LMO7: variants seen among roughly 807,000 people sequenced by gnomAD.
LMO7 encodes the protein LIM domain only protein 7.
A neutral mutation model predicts 206.5 loss-of-function variants in LMO7; 120 were observed. The observed-to-expected ratio is 0.58, with a 90% CI of 0.50 to 0.68. The LOEUF is 0.68. LMO7 is among the 30% of genes least tolerant of loss of function. The probability of loss-of-function intolerance (pLI) is 0.00; values close to 1 mark genes in which losing one functional copy is unlikely to be tolerated. For synonymous variants in LMO7, 706 were observed against 681.5 expected (o/e 1.04, Z -0.56); for missense variants, 1,959 against 1,957.9 (o/e 1.00, Z -0.01).
At chr13:75,734,513 A>G (rs1295442175) in intron 3 of LMO7, among the ~76,000 whole-genome samples, 1 of 152,202 alleles carries the variant, frequency 6.6e-6, no homozygotes, top group Non-Finnish European at 1.5e-5. Flanking sequence ...ATGTGTTTAC[A>G]GATGTTAAAG....
At chr13:75,650,956 GA>G (rs1372010822) in intron 1 of LMO7, among the ~76,000 whole-genome samples, 2 of 152,154 alleles carry the variant, frequency 1.3e-5, no homozygotes, top group African/African-American at 4.8e-5. Flanking sequence ...AGCTATTTTA[GA>G]AAAGAAAAGC....
At chr13:75,653,260 A>C (rs1341913774) in intron 1 of LMO7, among the ~76,000 whole-genome samples, 1 of 152,266 alleles carries the variant, frequency 6.6e-6, no homozygotes, top group Non-Finnish European at 1.5e-5. Flanking sequence ...CAAATAAGAA[A>C]ACTGAAGATG....
intron 1 of LMO7, among the ~76,000 whole-genome samples, chr13:75,703,818 T>C (rs1425931133): frequency 6.6e-6 from 1 of 152,180 alleles, no homozygotes; most frequent in Admixed American, 6.5e-5. Context: ...TGAATGACTT[T>C]TTCAATCATT....
intron 2 of LMO7, among the ~76,000 whole-genome samples, chr13:75,724,916 C>A (rs560517326): frequency 1.3e-5 from 2 of 152,198 alleles, no homozygotes; most frequent in African/African-American, 4.8e-5. Context: ...TTCCTCAGCT[C>A]ATTTCCGTGT....
intron 4 of LMO7, among the ~76,000 whole-genome samples, chr13:75,794,124 A>G (rs1236456923): frequency 1.3e-5 from 2 of 152,252 alleles, no homozygotes; most frequent in Non-Finnish European, 2.9e-5. Flanking sequence ...ACATTCTTGT[A>G]TATAACTTTT....
intron 7 of LMO7, among the ~76,000 whole-genome samples, chr13:75,802,524 A>G (rs2054889817): frequency 6.6e-6 from 1 of 152,240 alleles, no homozygotes; most frequent in African/African-American, 2.4e-5. Context: ...GCATGTGGGA[A>G]TATGCAGGCT....
intron 1 of LMO7, among the ~76,000 whole-genome samples, chr13:75,647,951 C>CTTTCTTTTTTTTTTTTTTTTT (rs1555286938): frequency 2.2e-5 from 2 of 91,130 alleles, no homozygotes. Context: ...TCTTTTCTTT[C>CTTTCTTTTTTTTTTTTTTTTT]TTTTTTTTTT....
At chr13:75,640,525 G>A (rs1166878362) in intron 1 of LMO7, among the ~76,000 whole-genome samples, 9 of 151,936 alleles carry the variant, frequency 5.9e-5, no homozygotes, top group Non-Finnish European at 1.0e-4. Flanking sequence ...TCCCAAAATC[G>A]CCAAACCTCC....
In LMO7 at chr13:75,783,874, A is replaced by G. The variant is rs562983475; in HGVS notation, c.318-11527A>G. Among the ~76,000 whole-genome samples the G allele has an allele frequency of 8.7e-4, 133 of 152,270 alleles. 1 individual carries two copies. Among genetic ancestry groups the G allele is most frequent in the African/African-American group, 3.1e-3 (129 of 41,532 alleles). ...TTGCTTGTCTGTTTGCTTTGCTTAT[A>G]TATTTAATACCTTTTCTAGGTTACA... On this transcript the variant is annotated intron_variant, in intron 4 of 30. Transcript: ENST00000377534.
chr13:75,732,842 G>A (rs2045389996), intron 3 of LMO7, among the ~76,000 whole-genome samples: 1 of 152,180 alleles, frequency 6.6e-6, no homozygotes, highest in African/African-American at 2.4e-5. Context: ...CCTTCTAACA[G>A]ACAGGACCCT....
chr13:75,661,685 G>A (rs533416069), intron 1 of LMO7, among the ~76,000 whole-genome samples: 10 of 152,258 alleles, frequency 6.6e-5, no homozygotes, highest in Non-Finnish European at 1.0e-4. Flanking sequence ...TGTCCCCTGC[G>A]CCAGTACTGT....
rs1233548513 is a variant in LMO7 at position 75,805,644 on chromosome 13, C to G, written c.1080C>G (p.Asn360Lys). ...GCAAGCTCAGTCCAGTCATGCCAAA[C>G]CCAGGGAATGCTTTTGATCAGTTTC... ...YVRKLSPVMP[N>K]PGNAFDQFLP... The change falls in exon 9 of 31, where the codon AAC becomes AAG. Residue 360 changes from asparagine (N) to lysine (K), a missense_variant. Transcript: ENST00000377534. 3.1e-6 allele frequency: 5 copies of G among 1,614,034 alleles called. No homozygotes were observed. The highest frequency in any genetic ancestry group is 4.2e-6 in the Non-Finnish European group (5 of 1,179,884).
At chr13:75,749,638 T>C (rs9530466) in intron 3 of LMO7, among the ~76,000 whole-genome samples, 55,444 of 152,024 alleles carry the variant, frequency 0.36, 10,504 homozygotes, top group East Asian at 0.51. Context: ...TTGGTTTGGC[T>C]GTTGCTCCAG....
intron 6 of LMO7, among the ~76,000 whole-genome samples, chr13:75,800,050 G>A (rs1566485550): frequency 6.6e-6 from 1 of 152,202 alleles, no homozygotes; most frequent in Non-Finnish European, 1.5e-5. Context: ...TGCTTCCCTT[G>A]ATTCAACAAG....
At chr13:75,743,351 A>T (rs1270001459) in intron 3 of LMO7, among the ~76,000 whole-genome samples, 1 of 152,212 alleles carries the variant, frequency 6.6e-6, no homozygotes, top group East Asian at 1.9e-4. Flanking sequence ...CAGAAATCCC[A>T]TTACTGGGTA....
At chr13:75,832,884 T>TA (rs1292364931) in intron 15 of LMO7, among the ~76,000 whole-genome samples, 167 bp from the exon 16 acceptor site, 1 of 152,176 alleles carries the variant, frequency 6.6e-6, no homozygotes, top group Non-Finnish European at 1.5e-5. Flanking sequence ...GTGCTATTTA[T>TA]ATAAATGAAA....
intron 26 of LMO7, 164 bp from the exon 27 acceptor site, chr13:75,848,914 AC>A: frequency 1.7e-6 from 1 of 583,884 alleles, no homozygotes. Context: ...ATTCACACCA[AC>A]GTCTATTATT....
At chr13:75,659,711 C>T (rs968796224) in intron 1 of LMO7, among the ~76,000 whole-genome samples, 8 of 152,186 alleles carry the variant, frequency 5.3e-5, no homozygotes, top group Admixed American at 2.0e-4. Context: ...GATGGGGACA[C>T]AGGCAAACCA....
At chr13:75,688,855 C>G (rs930098289) in intron 1 of LMO7, 1 of 152,034 alleles carries the variant, frequency 6.6e-6, no homozygotes, top group Non-Finnish European at 1.5e-5. Flanking sequence ...TGAATAAGCT[C>G]CTTCCATTGG....
Sources: allele counts gnomAD v4.1 joint callset (sites outside exome capture counted in the v4.1 genomes callset), GRCh38; gene constraint gnomAD v4.1.1; transcripts MANE v1.5; gene names NCBI Gene and HGNC (gene_info 2026-07-23, HGNC 2026-07-21).